The following SERPINB8 variants were observed in gnomAD, a reference collection of about 807,000 sequenced individuals.
SERPINB8 encodes serpin family B member 8.
SERPINB8 carries 25 observed loss-of-function variants against 35.3 expected under a neutral mutation model. The ratio of observed to expected loss-of-function variants is 0.71; its 90% CI spans 0.52 to 0.99. The LOEUF is 0.99. SERPINB8 is among the 50% of genes least tolerant of loss of function. The pLI, the probability that SERPINB8 is intolerant of heterozygous loss-of-function variation, is 0.00. For synonymous variants in SERPINB8, 186 were observed against 160.8 expected, an observed-to-expected ratio of 1.16 and a Z score of -1.19; for missense variants, 484 against 446.5, an observed-to-expected ratio of 1.08 and a Z score of -0.76.
At position 63,987,241 on chromosome 18, in the gene SERPINB8, A is replaced by T. The variant is rs760986937; in HGVS notation, c.1088A>T (p.Asn363Ile). 6.2e-7 allele frequency: 1 copy of T among 1,613,942 alleles called. No homozygotes were observed. The change falls in exon 7 of 7, where the codon AAC becomes ATC. Residue 363 changes from asparagine to isoleucine, a missense_variant. By Grantham distance (149) the Asn-to-Ile change is moderately radical. Coordinates refer to ENST00000397985, the MANE Select transcript of SERPINB8 (RefSeq NM_002640.4). Reference sequence around the variant, plus strand: ...TTCTTCATCAGGCACCACAAAACCAACTGCATCTTGTTCTGTGGCAGGTTC... The same window carrying T: ...TTCTTCATCAGGCACCACAAAACCATCTGCATCTTGTTCTGTGGCAGGTTC... ...FLFFIRHHKT[N>I]CILFCGRFSS...
chr18:63,971,074 C>G (rs541487802), intron 1 of SERPINB8, among the ~76,000 whole-genome samples: 31 of 152,162 alleles, frequency 2.0e-4, no homozygotes, highest in South Asian at 4.1e-4. Flanking sequence ...GTAGACCGCG[C>G]CCTCTTCCCT....
chr18:64,010,006 T>C (rs183196900), downstream of SERPINB8, among the ~76,000 whole-genome samples: 58 of 152,060 alleles, frequency 3.8e-4, no homozygotes, highest in African/African-American at 1.4e-3. Context: ...AAACAGAAAC[T>C]AAGAGATGAT....
At position 63,981,762 on chromosome 18, in the gene SERPINB8, G is replaced by T. The variant is rs1406724797; in HGVS notation, c.348G>T (p.Leu116=). Residue 116 remains leucine, a synonymous_variant, in exon 4 of 7, where the codon CTG becomes CTT. Coordinates refer to ENST00000397985, the MANE Select transcript of SERPINB8 (RefSeq NM_002640.4). Reference sequence around the variant, plus strand: ...GTCAGAAGTTCTATCAGGCAGAGCTGGAGGAGTTGTCCTTTGCTGAAGACA... The same window carrying T: ...GTCAGAAGTTCTATCAGGCAGAGCTTGAGGAGTTGTCCTTTGCTGAAGACA... The part of the protein sequence containing the change: ...EYCQKFYQAE[L]EELSFAEDTE... 1 of 1,613,804 alleles carries T rather than the reference G, an allele frequency of 6.2e-7. No individual in the cohort carries two copies. The highest frequency in any genetic ancestry group is 8.5e-7 in the Non-Finnish European group (1 of 1,179,830).
chr18:63,979,640 C>A (rs1263258741), intron 2 of SERPINB8, among the ~76,000 whole-genome samples, 161 bp from the exon 3 acceptor site: 1 of 152,212 alleles, frequency 6.6e-6, no homozygotes, highest in Non-Finnish European at 1.5e-5. Context: ...AATGTCAATG[C>A]TGCATTGCCC....
intron 7 of SERPINB8, among the ~76,000 whole-genome samples, chr18:64,015,868 A>T (rs1416701138): frequency 6.6e-6 from 1 of 152,206 alleles, no homozygotes; most frequent in Non-Finnish European, 1.5e-5. Context: ...GGTTTAGGCG[A>T]GCCTACTTAA....
intron 5 of SERPINB8, among the ~76,000 whole-genome samples, chr18:63,984,772 G>T (rs1388843907): frequency 6.6e-6 from 1 of 152,144 alleles, no homozygotes; most frequent in Non-Finnish European, 1.5e-5. Flanking sequence ...AGAATTTTTA[G>T]TTGGAAGCTT....
chr18:63,985,124 A>C lies in SERPINB8; in HGVS notation c.599A>C (p.Glu200Ala), dbSNP rs761449557. 9.3e-6 allele frequency: 15 copies of C among 1,614,090 alleles called. No individual in the cohort carries two copies. In the South Asian group the frequency reaches 1.6e-4, roughly 18 times the overall value. ...EKKTVQMMFK[E>A]AKFKMGYADE... ...AAGACAGTGCAGATGATGTTTAAGGAAGCTAAGTTTAAAATGGGGTATGCG... is the reference window on the plus strand; with the variant it reads ...AAGACAGTGCAGATGATGTTTAAGGCAGCTAAGTTTAAAATGGGGTATGCG... Residue 200 changes from glutamate to alanine, a missense_variant, in exon 6 of 7, where the codon GAA (glutamate) becomes GCA (alanine). Coordinates refer to ENST00000397985, the MANE Select transcript of SERPINB8 (RefSeq NM_002640.4).
chr18:63,976,643 A>G (rs1025053081), intron 1 of SERPINB8, among the ~76,000 whole-genome samples: 2 of 152,250 alleles, frequency 1.3e-5, no homozygotes, highest in African/African-American at 4.8e-5. Context: ...GAAAGGGCCT[A>G]GAGGCAGGAG....
intron 1 of SERPINB8, among the ~76,000 whole-genome samples, chr18:63,997,676 A>G (rs575272100): frequency 1.3e-5 from 2 of 152,342 alleles, no homozygotes; most frequent in African/African-American, 4.8e-5. Flanking sequence ...GAGCCCTGCT[A>G]TATTTTCACT....
In SERPINB8 at chr18:63,989,350, G is replaced by C. The variant is rs1221731861; in HGVS notation, c.*2072G>C. ...CAAGATTTTTGCTATTGAAAATAAA[G>C]TTTTTATGAATATTTATATATATAC... On this transcript the variant is annotated 3_prime_UTR_variant, in exon 7 of 7. Coordinates refer to ENST00000397985, the MANE Select transcript of SERPINB8 (RefSeq NM_002640.4). 3.9e-5 allele frequency: 6 copies of C among 152,046 alleles called. No individual in the cohort carries two copies. Among genetic ancestry groups the C allele is most frequent in the Admixed American group, 6.5e-5 (1 of 15,278 alleles). The allele number at this position is 152,046 out of a possible 1,614,324, so 9.4% of individuals were successfully genotyped here. A position where few individuals can be genotyped will look rare whatever the true frequency, so the allele number is the denominator to read the frequency against.
intron 6 of SERPINB8, chr18:63,986,291 A>G (rs760616460): frequency 1.2e-5 from 20 of 1,609,342 alleles, no homozygotes; most frequent in Non-Finnish European, 1.7e-5. Flanking sequence ...TTTGAAGCTA[A>G]CTCCAGGACA....
rs1282955185 is a variant in SERPINB8 at position 63,979,685 on chromosome 18, A to G, written c.169-116A>G. The G allele has an allele frequency of 3.0e-6, 4 of 1,312,064 alleles. No homozygotes were observed. In the African/African-American group the frequency reaches 5.9e-5, roughly 19 times the overall value. 81.3% of individuals were successfully genotyped at this position (1,312,064 alleles called of 1,614,324 possible). ...AACCCTGTGCTAGACAATTAGGCCA[A>G]ACCTTTTTAAAGTAGGATCCTGTGT... On this transcript the variant is annotated intron_variant, in intron 2 of 6. Coordinates refer to ENST00000397985, the MANE Select transcript of SERPINB8 (RefSeq NM_002640.4).
At chr18:64,002,124 C>T (rs2050878243) in intron 1 of SERPINB8, among the ~76,000 whole-genome samples, 1 of 152,088 alleles carries the variant, frequency 6.6e-6, no homozygotes, top group South Asian at 2.1e-4. Flanking sequence ...GAGGACGTAG[C>T]AGTGTCCCCA....
chr18:64,017,702 T>C (rs1374427487), intron 7 of SERPINB8, among the ~76,000 whole-genome samples: 1 of 152,158 alleles, frequency 6.6e-6, no homozygotes, highest in Non-Finnish European at 1.5e-5. Flanking sequence ...ACTCACTGGA[T>C]TGAACTTCCC....
At position 64,004,539 on chromosome 18, in the gene SERPINB8, G is replaced by C. The variant is rs1335677284; in HGVS notation, c.71-280G>C. On this transcript the variant is annotated intron_variant, in intron 1 of 1. Transcript: ENST00000493661. ...TGGCATATACCTATTTATAAACTGT[G>C]ATATTTTAACATTTAAAAGATTATG... 3.3e-5 allele frequency among the ~76,000 whole-genome samples: 5 copies of C among 152,178 alleles called. No homozygotes were observed. The East Asian group carries it at 9.6e-4, about 29-fold the overall frequency.
In SERPINB8 at chr18:63,987,203, C is replaced by T; in HGVS notation, c.1050C>T (p.Asp350=). 4.3e-6 allele frequency: 7 copies of T among 1,614,184 alleles called. No individual in the cohort carries two copies. The South Asian group carries it at 5.5e-5, about 13-fold the overall frequency. The change falls in exon 7 of 7, where the codon GAC becomes GAT. Residue 350 remains aspartate, a synonymous_variant. Coordinates refer to ENST00000397985, the MANE Select transcript of SERPINB8 (RefSeq NM_002640.4). ...CSRMEPRFCA[D]HPFLFFIRHH... ...GAATGGAGCCAAGATTCTGTGCAGA[C>T]CACCCTTTTCTTTTCTTCATCAGGC...
At chr18:64,016,891 G>A (rs1363407664) in intron 7 of SERPINB8, among the ~76,000 whole-genome samples, 1 of 152,132 alleles carries the variant, frequency 6.6e-6, no homozygotes, top group African/African-American at 2.4e-5. Flanking sequence ...TAGTAACAGA[G>A]AATTGTTTTT....
At chr18:63,998,357 C>T (rs540251557) in intron 1 of SERPINB8, among the ~76,000 whole-genome samples, 11 of 152,270 alleles carry the variant, frequency 7.2e-5, no homozygotes, top group African/African-American at 9.6e-5. Flanking sequence ...ATGGCCCAAA[C>T]GATACATTTG....
At chr18:63,985,470 A>G (rs2050739743) in intron 6 of SERPINB8, among the ~76,000 whole-genome samples, 1 of 152,218 alleles carries the variant, frequency 6.6e-6, no homozygotes, top group South Asian at 2.1e-4. Flanking sequence ...AGAGAGTTCT[A>G]AATATATTAT....
Sources: allele counts gnomAD v4.1 joint callset (sites outside exome capture counted in the v4.1 genomes callset), GRCh38; gene constraint gnomAD v4.1.1; transcripts MANE v1.5; gene names NCBI Gene and HGNC (gene_info 2026-07-23, HGNC 2026-07-21).